RNF135: variants seen among roughly 807,000 people sequenced by gnomAD.
RNF135 encodes the protein ring finger protein 135, also known as E3 ubiquitin-protein ligase RNF135.
Under a neutral mutation model 41.9 loss-of-function variants are expected in RNF135, and 46 were observed. The observed-to-expected ratio is 1.10, with a 90% CI of 0.87 to 1.40. RNF135 has a LOEUF of 1.40. Among genes scored for constraint, RNF135 ranks in the 40% most tolerant of loss-of-function variants. RNF135 has a pLI of 0.00. For synonymous variants in RNF135, 238 were observed against 223.8 expected (o/e 1.06, Z -0.57); for missense variants, 539 against 549.8 (o/e 0.98, Z 0.20).
chr17:30,991,824 C>G (rs1038774080), intron 3 of RNF135, among the ~76,000 whole-genome samples: 2 of 151,942 alleles, frequency 1.3e-5, no homozygotes, highest in Admixed American at 1.3e-4. Context: ...AGAGATTAAA[C>G]TTTTGTCTGT....
Position 30,971,397 on chromosome 17 carries a change from C to T in RNF135, c.324C>T (p.Ser108=), listed in dbSNP as rs1034857245. 70 of 1,521,990 alleles carry T rather than the reference C, an allele frequency of 4.6e-5. No homozygotes were observed. Among genetic ancestry groups the T allele is most frequent in the African/African-American group, 3.9e-4 (27 of 69,830 alleles). 94.3% of individuals were successfully genotyped at this position (1,521,990 alleles called of 1,614,324 possible). A position where few individuals can be genotyped will look rare whatever the true frequency, so the allele number is the denominator to read the frequency against. Residue 108 remains serine (S), a synonymous_variant, in exon 1 of 5, where the codon TCC becomes TCT. Coordinates refer to ENST00000328381, the MANE Select transcript of RNF135 (RefSeq NM_032322.4). ...ACTGCCCCTGCCCGGGCTCCAGTTC[C>T]CTCTCCAGCGCGGCCGCGAGGCCCC... is the stretch of plus-strand genomic sequence containing the variant. ...PAHCPCPGSS[S]LSSAAARPRR... is the part of the protein sequence containing the mutation.
At chr17:30,960,700 TTTTTATTTTATTTTA>T in the RNF135 span, among the ~76,000 whole-genome samples, 2 of 148,904 alleles carry the variant, frequency 1.3e-5, no homozygotes, top group Non-Finnish European at 2.9e-5. Context: ...TAATATGTAA[TTTTTATTTTATTTTA>T]TTTTATTTTA....
chr17:30,966,463 A>T (rs993184862), upstream of RNF135, among the ~76,000 whole-genome samples: 11 of 146,328 alleles, frequency 7.5e-5, no homozygotes, highest in African/African-American at 2.3e-4. Context: ...TAAAGTGAAT[A>T]CTTCTAACGA....
the RNF135 span, among the ~76,000 whole-genome samples, chr17:30,962,169 T>C: frequency 6.6e-6 from 1 of 151,730 alleles, no homozygotes. Context: ...AGTCTCTCTG[T>C]GTCGCCAGGC....
chr17:30,987,075 G>C (rs1201212146), intron 2 of RNF135, among the ~76,000 whole-genome samples: 7 of 152,128 alleles, frequency 4.6e-5, no homozygotes, highest in Admixed American at 4.6e-4. Context: ...TTGGTGAGCA[G>C]ATAAAGGGCT....
rs756030202 is a variant in RNF135, at chr17:30,971,314, C to T, written c.241C>T (p.Leu81=). 50 of 1,534,126 alleles carry T rather than the reference C, an allele frequency of 3.3e-5. No individual in the cohort carries two copies. Among genetic ancestry groups the T allele is most frequent in the Middle Eastern group, 4.5e-4 (2 of 4,426 alleles). The change falls in exon 1 of 5, where the codon CTG becomes TTG. Residue 81 remains leucine, a synonymous_variant. Transcript: ENST00000328381. ...HLRKNTLLQD[L]ADKYRRAARE... ...GCGGAAGAACACGCTACTGCAGGAC[C>T]TGGCCGACAAGTACCGCCGCGCCGC... is the stretch of plus-strand genomic sequence containing the variant.
At chr17:30,980,060 T>A (rs867410466) in intron 1 of RNF135, 1 of 78,296 alleles carries the variant, frequency 1.3e-5, no homozygotes, top group Non-Finnish European at 2.3e-5. Flanking sequence ...CCTCCCGGAC[T>A]GGGCGGCTGG....
In RNF135 at chr17:30,990,249, G is replaced by A. The variant is rs145408433; in HGVS notation, c.679+2143G>A. Among the ~76,000 whole-genome samples the A allele has an allele frequency of 6.3e-3, 956 of 152,106 alleles. 9 individuals carry two copies. Among genetic ancestry groups the A allele is most frequent in the African/African-American group, 0.022 (911 of 41,488 alleles). On this transcript the variant is annotated intron_variant, in intron 3 of 4. Coordinates refer to ENST00000328381, the MANE Select transcript of RNF135 (RefSeq NM_032322.4). ...TTCAAAAATCAAAACAGGGCTGGGC[G>A]CGGTGGCTCATGCCTGTAATCCCAG...
At position 30,997,313 on chromosome 17, in the gene RNF135, G is replaced by A. The variant is rs778580430; in HGVS notation, c.751G>A (p.Ala251Thr). Residue 251 changes from alanine (A) to threonine (T), a missense_variant, in exon 4 of 5, where the codon GCT (alanine) becomes ACT (threonine). By Grantham distance (58) the Ala-to-Thr change is moderately conservative. Transcript: ENST00000328381. ...PDQSHPALRR[A>T]SRFAQWAIHP... is the part of the protein sequence containing the mutation. Reference sequence around the variant, plus strand: ...CCAGAGCCACCCTGCACTCAGGAGAGCTTCTCGGTTTGCTCAGTGTAAGTA... The same window carrying A: ...CCAGAGCCACCCTGCACTCAGGAGAACTTCTCGGTTTGCTCAGTGTAAGTA... 2 of 1,614,096 alleles carry A rather than the reference G, an allele frequency of 1.2e-6. No homozygotes were observed. The highest frequency in any genetic ancestry group is 1.1e-5 in the South Asian group (1 of 91,090).
At position 30,971,319 on chromosome 17, in the gene RNF135, C is replaced by A. The variant is rs1316851285; in HGVS notation, c.246C>A (p.Ala82=). The A allele has an allele frequency of 3.3e-6, 5 of 1,533,884 alleles. No individual in the cohort carries two copies. The highest frequency in any genetic ancestry group is 2.4e-5 in the South Asian group (2 of 83,224). Reference sequence around the variant, plus strand: ...AGAACACGCTACTGCAGGACCTGGCCGACAAGTACCGCCGCGCCGCACGCG... The same window carrying A: ...AGAACACGCTACTGCAGGACCTGGCAGACAAGTACCGCCGCGCCGCACGCG... The part of the protein sequence containing the change: ...LRKNTLLQDL[A]DKYRRAAREI... The change falls in exon 1 of 5, where the codon GCC becomes GCA. Residue 82 remains alanine, a synonymous_variant. Transcript: ENST00000328381.
chr17:30,979,532 ACCC>A (rs1196015143), intron 1 of RNF135, among the ~76,000 whole-genome samples: 2 of 2,518 alleles, frequency 7.9e-4, no homozygotes, highest in African/African-American at 1.3e-3. Context: ...CAGCTGGCCG[ACCC>A]CCCCCCCCCG....
intron 3 of RNF135, among the ~76,000 whole-genome samples, chr17:30,989,775 G>T (rs1465680912): frequency 6.6e-6 from 1 of 151,998 alleles, no homozygotes; most frequent in Non-Finnish European, 1.5e-5. Context: ...CGAGGCGTGT[G>T]GATCACCTGA....
chr17:30,983,639 C>T (rs1463532924), intron 1 of RNF135, among the ~76,000 whole-genome samples: 1 of 151,780 alleles, frequency 6.6e-6, no homozygotes, highest in Non-Finnish European at 1.5e-5. Context: ...CAGCCATGAG[C>T]TATTGCGCCT....
intron 1 of RNF135, among the ~76,000 whole-genome samples, chr17:30,983,516 G>A (rs1222003280): frequency 2.0e-5 from 3 of 150,690 alleles, no homozygotes; most frequent in Non-Finnish European, 4.4e-5. Flanking sequence ...ACCACACCTG[G>A]TGAATTTTTG....
Position 30,999,283 on chromosome 17 carries a change from A to G in RNF135, c.*92A>G. On this transcript the variant is annotated 3_prime_UTR_variant, in exon 5 of 5. Transcript: ENST00000328381. ...ACTTGACTTAAGAATACCACTTTTT[A>G]GAAAAATTACGATAGAGATGGGATC... 1 of 1,411,536 alleles carries G rather than the reference A, an allele frequency of 7.1e-7. No individual in the cohort carries two copies. The highest frequency in any genetic ancestry group is 1.2e-5 in the South Asian group (1 of 84,850). 87.4% of individuals were successfully genotyped at this position (1,411,536 alleles called of 1,614,324 possible).
chr17:30,991,947 T>A (rs1236918770), intron 3 of RNF135, among the ~76,000 whole-genome samples: 1 of 152,006 alleles, frequency 6.6e-6, no homozygotes, highest in African/African-American at 2.4e-5. Context: ...TTTTTTTTTT[T>A]TTGAGAAGCA....
the RNF135 span, among the ~76,000 whole-genome samples, chr17:30,963,093 C>CTTT: frequency 4.7e-4 from 47 of 99,380 alleles, no homozygotes; most frequent in Non-Finnish European, 6.3e-4. Flanking sequence ...GATTCCCTAG[C>CTTT]TTTTTTTTTT....
intron 2 of RNF135, 114 bp downstream of exon 2, chr17:30,984,874 T>C (rs1907477267): frequency 8.2e-7 from 1 of 1,216,094 alleles, no homozygotes; most frequent in African/African-American, 1.5e-5. Flanking sequence ...TCTCAATCTT[T>C]TATTGTTCTC....
intron 1 of RNF135, among the ~76,000 whole-genome samples, chr17:30,981,829 A>G (rs1204434757): frequency 1.3e-5 from 2 of 152,260 alleles, no homozygotes; most frequent in African/African-American, 4.8e-5. Flanking sequence ...GTGGTCTTGT[A>G]TAAGATCCAG....
Sources: gnomAD v4.1 joint callset for allele counts (sites outside exome capture counted in the v4.1 genomes callset) on GRCh38, gnomAD v4.1.1 for gene constraint, MANE v1.5 for transcripts, NCBI Gene and HGNC (gene_info 2026-07-23, HGNC 2026-07-21) for gene names.